CCDC170: variants seen among roughly 807,000 people sequenced by gnomAD.
The protein encoded by CCDC170 is coiled-coil domain containing 170.
In CCDC170, 69 loss-of-function variants were observed where a neutral mutation model predicts 72.6. The observed-to-expected ratio is 0.95, with a 90% confidence interval of 0.78 to 1.16. CCDC170 has a LOEUF of 1.16. CCDC170 is among the 50% of genes most tolerant of loss of function. The probability of loss-of-function intolerance (pLI) is 0.00; values close to 1 mark genes in which losing one functional copy is unlikely to be tolerated. For missense variants in CCDC170, 852 were observed against 832.5 expected (o/e 1.02, Z -0.29); for synonymous variants, 300 against 303.9 (o/e 0.99, Z 0.13).
At chr6:151,610,659 T>C (rs1776855939) in intron 9 of CCDC170, among the ~76,000 whole-genome samples, 1 of 152,194 alleles carries the variant, frequency 6.6e-6, no homozygotes, top group Admixed American at 6.5e-5. Flanking sequence ...GTATCTACTA[T>C]GCAGTTCATA....
chr6:151,497,952 CAA>C (rs59201906), intron 1 of CCDC170, among the ~76,000 whole-genome samples: 214 of 58,026 alleles, frequency 3.7e-3, no homozygotes, highest in African/African-American at 0.011. Flanking sequence ...CACACCATCT[CAA>C]AAAAAAAAAA....
chr6:151,509,126 T>G (rs1782106887), intron 1 of CCDC170, among the ~76,000 whole-genome samples: 1 of 152,148 alleles, frequency 6.6e-6, no homozygotes, highest in Admixed American at 6.6e-5. Context: ...AAAATCCCAT[T>G]TGGGAAGAGT....
At chr6:151,616,758 G>T (rs959561373) in intron 10 of CCDC170, among the ~76,000 whole-genome samples, 1 of 152,106 alleles carries the variant, frequency 6.6e-6, no homozygotes, top group African/African-American at 2.4e-5. Flanking sequence ...CAAAGTGTCT[G>T]GTGAGCACAG....
chr6:151,552,288 T>A (rs989967628), intron 5 of CCDC170, among the ~76,000 whole-genome samples: 1 of 142,342 alleles, frequency 7.0e-6, no homozygotes, highest in Non-Finnish European at 1.5e-5. Flanking sequence ...TAAGTTTGAC[T>A]ACGAATCTCT....
Position 151,618,197 on chromosome 6 carries a change from C to G in CCDC170, c.*50C>G. On this transcript the variant is annotated 3_prime_UTR_variant, in exon 11 of 11. Coordinates refer to ENST00000239374, the MANE Select transcript of CCDC170 (RefSeq NM_025059.4). ...GCCATAAGACATGGCACACAATTCC[C>G]AATTTCACAAATTCCTCATGTCTTT... The G allele has an allele frequency of 6.9e-7, 1 of 1,452,442 alleles. No homozygotes were observed. The highest frequency in any genetic ancestry group is 1.2e-5 in the South Asian group (1 of 84,420). The allele number at this position is 1,452,442 out of a possible 1,614,324, so 90.0% of individuals were successfully genotyped here.
chr6:151,556,359 G>A (rs1453919855), intron 5 of CCDC170, among the ~76,000 whole-genome samples: 1 of 152,208 alleles, frequency 6.6e-6, no homozygotes, highest in African/African-American at 2.4e-5. Context: ...GGAGGCTGAG[G>A]CATGACAGTC....
At chr6:151,526,409 A>T (rs1468751562) in intron 1 of CCDC170, among the ~76,000 whole-genome samples, 1 of 151,218 alleles carries the variant, frequency 6.6e-6, no homozygotes, top group Non-Finnish European at 1.5e-5. Flanking sequence ...TTTTGTAGAG[A>T]TGGGGTTTCA....
chr6:151,514,362 A>AAGGGAAGAAGGGAGGGG (rs1782201096), intron 1 of CCDC170, among the ~76,000 whole-genome samples: 1 of 16,816 alleles, frequency 5.9e-5, no homozygotes, highest in African/African-American at 3.5e-4. Flanking sequence ...GGAGGGAGGG[A>AAGGGAAGAAGGGAGGGG]GGGAGGGAGG....
chr6:151,518,360 C>T (rs141197949), intron 1 of CCDC170, among the ~76,000 whole-genome samples: 23 of 151,876 alleles, frequency 1.5e-4, no homozygotes, highest in Non-Finnish European at 1.8e-4. Context: ...GAGAATGGGA[C>T]GAGACTGTCA....
At chr6:151,571,629 A>C (rs1229796444) in intron 5 of CCDC170, among the ~76,000 whole-genome samples, 1 of 152,126 alleles carries the variant, frequency 6.6e-6, no homozygotes, top group Non-Finnish European at 1.5e-5. Context: ...CGGGAGGCTG[A>C]GGCAGGAGAA....
intron 5 of CCDC170, among the ~76,000 whole-genome samples, chr6:151,559,430 G>C (rs1194435258): frequency 6.6e-6 from 1 of 151,956 alleles, no homozygotes; most frequent in Non-Finnish European, 1.5e-5. Context: ...CCCTTCCTTG[G>C]TTAAATTTAT....
chr6:151,538,798 G>A (rs1233533722), intron 3 of CCDC170, among the ~76,000 whole-genome samples: 1 of 152,006 alleles, frequency 6.6e-6, no homozygotes, highest in African/African-American at 2.4e-5. Context: ...AGACAAAATT[G>A]GGAATGAGTT....
intron 8 of CCDC170, 84 bp from the exon 9 acceptor site, chr6:151,596,251 A>C: frequency 1.3e-5 from 18 of 1,369,556 alleles, no homozygotes; most frequent in South Asian, 3.3e-5. Context: ...AGGTGTAGAT[A>C]GAGATCAACA....
At chr6:151,588,772 C>T (rs1026345407) in intron 7 of CCDC170, among the ~76,000 whole-genome samples, 3 of 151,978 alleles carry the variant, frequency 2.0e-5, no homozygotes, top group Admixed American at 2.0e-4. Context: ...GAAACCCCAT[C>T]TCTACAAAAA....
chr6:151,560,182 G>T (rs549651144), intron 5 of CCDC170, among the ~76,000 whole-genome samples: 1 of 152,054 alleles, frequency 6.6e-6, no homozygotes, highest in Non-Finnish European at 1.5e-5. Context: ...TCCATTCAAT[G>T]AATTTTTAAA....
At position 151,548,302 on chromosome 6, in the gene CCDC170, A is replaced by C; in HGVS notation, c.589-2A>C. On this transcript the variant is annotated splice_acceptor_variant, in intron 4 of 10. Transcript: ENST00000239374. LOFTEE classifies it high-confidence loss of function. ...GGACAGCTGTAATTGCTTTCTCTTC[A>C]GCTTAGAGACCTGCGCAAAGAAAAT... The C allele has an allele frequency of 6.5e-7, 1 of 1,545,970 alleles. No homozygotes were observed. The highest frequency in any genetic ancestry group is 1.2e-5 in the South Asian group (1 of 80,326).
chr6:151,553,556 G>A (rs1183056241), intron 5 of CCDC170, among the ~76,000 whole-genome samples: 2 of 152,138 alleles, frequency 1.3e-5, no homozygotes, highest in Non-Finnish European at 2.9e-5. Context: ...TGCATCTCTA[G>A]AGATCAGTAG....
Position 151,584,586 on chromosome 6 carries a change from G to A in CCDC170, c.1093-1303G>A, listed in dbSNP as rs112330291. Among the ~76,000 whole-genome samples, 1,470 of 152,176 alleles carry A rather than the reference G, an allele frequency of 9.7e-3. 9 individuals carry two copies. The highest frequency in any genetic ancestry group is 0.014 in the Non-Finnish European group (974 of 67,996). On this transcript the variant is annotated intron_variant, in intron 6 of 10. Transcript: ENST00000239374. ...TAATGGCTTTTGCCTCTGGGTGGTG[G>A]GATCACAGGGGATTGTTTTTTGCCT... is the stretch of plus-strand genomic sequence containing the variant.
intron 7 of CCDC170, among the ~76,000 whole-genome samples, chr6:151,590,835 G>A (rs780356406): frequency 5.3e-5 from 8 of 152,118 alleles, no homozygotes; most frequent in Non-Finnish European, 7.4e-5. Flanking sequence ...AAGAAAGAGG[G>A]TTTCATACCG....
Sources: allele counts gnomAD v4.1 joint callset (sites outside exome capture counted in the v4.1 genomes callset), GRCh38; gene constraint gnomAD v4.1.1; transcripts MANE v1.5; gene names NCBI Gene and HGNC (gene_info 2026-07-23, HGNC 2026-07-21).